Variants in SUPT3H observed in about 807,000 individuals in gnomAD.
SUPT3H encodes transcription initiation protein SPT3 homolog.
In SUPT3H, 44 loss-of-function variants were observed where a neutral mutation model predicts 44.3. The ratio of observed to expected loss-of-function variants is 0.99; its 90% confidence interval spans 0.78 to 1.28. SUPT3H has a LOEUF of 1.28. Ranked by LOEUF, SUPT3H falls within the 50% of genes most tolerant of loss-of-function variation. The pLI is 0.00. For missense variants in SUPT3H, 380 were observed against 387.1 expected, an observed-to-expected ratio of 0.98 and a Z score of 0.15; for synonymous variants, 124 against 125.6, an observed-to-expected ratio of 0.99 and a Z score of 0.09.
chr6:45,120,416 C>CAA (rs1562497260), intron 2 of SUPT3H, among the ~76,000 whole-genome samples: 1 of 11,666 alleles, frequency 8.6e-5, no homozygotes, highest in African/African-American at 3.1e-4. Flanking sequence ...GAGACCTTGT[C>CAA]TAAAAAAAAA....
rs377126504 is a variant in SUPT3H at position 44,932,746 on chromosome 6, A to T, written c.819T>A (p.Gly273=). 9 of 1,608,510 alleles carry T rather than the reference A, an allele frequency of 5.6e-6. No homozygotes were observed. The highest frequency in any genetic ancestry group is 7.6e-6 in the Non-Finnish European group (9 of 1,177,954). The change falls in exon 10 of 11, where the codon GGT becomes GGA. Residue 273 remains glycine, a synonymous_variant. Transcript: ENST00000371459. ...GGATGGCATCGCTGTGAGCCTCAAC[A>T]CCACAGGCTGCAGTGCTCTGCGACA... ...HNSAESTAAC[G]VEAHSDAIQP...
At chr6:45,208,892 CTT>C (rs1470414062) in intron 2 of SUPT3H, among the ~76,000 whole-genome samples, 1 of 34,926 alleles carries the variant, frequency 2.9e-5, no homozygotes, top group Non-Finnish European at 5.3e-5. Flanking sequence ...GACTTACCCT[CTT>C]GTTAGGGGCT....
intron 3 of SUPT3H, among the ~76,000 whole-genome samples, chr6:45,085,716 GTTAA>G (rs1438342356): frequency 6.6e-6 from 1 of 151,974 alleles, no homozygotes; most frequent in Non-Finnish European, 1.5e-5. Flanking sequence ...TATCTTTTCT[GTTAA>G]TTAAGACAAC....
At chr6:45,123,521 GAGCCACTGCACTC>G (rs898817105) in intron 2 of SUPT3H, among the ~76,000 whole-genome samples, 8 of 151,548 alleles carry the variant, frequency 5.3e-5, no homozygotes, top group African/African-American at 1.9e-4. Flanking sequence ...TTATAGCTGT[GAGCCACTGCACTC>G]AGCCACTAAA....
intron 2 of SUPT3H, among the ~76,000 whole-genome samples, chr6:45,298,685 A>C (rs1161543858): frequency 6.6e-6 from 1 of 152,216 alleles, no homozygotes; most frequent in African/African-American, 2.4e-5. Flanking sequence ...CAAATGAGAC[A>C]GAAAAATGAC....
At chr6:45,267,084 G>A (rs893698915) in intron 2 of SUPT3H, among the ~76,000 whole-genome samples, 2 of 151,990 alleles carry the variant, frequency 1.3e-5, no homozygotes, top group Admixed American at 6.6e-5. Flanking sequence ...CCATCCTCAA[G>A]GTATCTCATT....
chr6:45,013,445 C>T (rs538074852), intron 5 of SUPT3H, among the ~76,000 whole-genome samples: 117 of 152,156 alleles, frequency 7.7e-4, no homozygotes, highest in African/African-American at 2.7e-3. Flanking sequence ...ACATCTGTAC[C>T]ACTGTACTGA....
chr6:45,339,722 T>A (rs1298463208), intron 2 of SUPT3H, among the ~76,000 whole-genome samples: 1 of 152,162 alleles, frequency 6.6e-6, no homozygotes, highest in Non-Finnish European at 1.5e-5. Context: ...AATCCAAAAC[T>A]TTATTTTAAA....
chr6:45,327,219 A>G (rs1316794529), intron 2 of SUPT3H, among the ~76,000 whole-genome samples: 2 of 151,992 alleles, frequency 1.3e-5, no homozygotes, highest in Admixed American at 1.3e-4. Flanking sequence ...GTCTGTGGGC[A>G]TTATTCCTTA....
intron 3 of SUPT3H, among the ~76,000 whole-genome samples, chr6:45,068,982 A>T (rs186827803): frequency 2.6e-5 from 4 of 151,736 alleles, no homozygotes; most frequent in East Asian, 3.9e-4. Flanking sequence ...CTTTGCAAAA[A>T]AAAAAAAATA....
At chr6:45,054,366 G>A (rs534928524) in intron 3 of SUPT3H, among the ~76,000 whole-genome samples, 1 of 152,244 alleles carries the variant, frequency 6.6e-6, no homozygotes, top group African/African-American at 2.4e-5. Flanking sequence ...GAACAAAAAG[G>A]TCTTGCTGAA....
At chr6:45,192,925 G>T (rs1562657479) in intron 2 of SUPT3H, among the ~76,000 whole-genome samples, 1 of 152,050 alleles carries the variant, frequency 6.6e-6, no homozygotes, top group Non-Finnish European at 1.5e-5. Flanking sequence ...AAATGTATCC[G>T]ACTCTTTTGC....
intron 10 of SUPT3H, among the ~76,000 whole-genome samples, chr6:44,837,692 C>T (rs1309275560): frequency 6.6e-6 from 1 of 152,162 alleles, no homozygotes; most frequent in Admixed American, 6.5e-5. Context: ...AAGCCAATTG[C>T]TTTGTTTGCC....
chr6:44,823,855 C>T (rs1037407563), downstream of SUPT3H, among the ~76,000 whole-genome samples: 4 of 151,982 alleles, frequency 2.6e-5, no homozygotes, highest in South Asian at 2.1e-4. Flanking sequence ...CCCAGCTACT[C>T]GGGAGGCTGA....
chr6:44,844,042 C>G, intron 10 of SUPT3H, among the ~76,000 whole-genome samples: 1 of 151,904 alleles, frequency 6.6e-6, no homozygotes, highest in East Asian at 1.9e-4. Flanking sequence ...GGTATTGGCA[C>G]AGATAGAAAT....
At chr6:45,021,294 C>T (rs1785099807) in intron 3 of SUPT3H, among the ~76,000 whole-genome samples, 1 of 151,854 alleles carries the variant, frequency 6.6e-6, no homozygotes. Flanking sequence ...CATCTAGCCC[C>T]TTATATCTAC....
At chr6:45,297,206 T>A (rs190211502) in intron 2 of SUPT3H, among the ~76,000 whole-genome samples, 1 of 152,292 alleles carries the variant, frequency 6.6e-6, no homozygotes, top group Admixed American at 6.5e-5. Context: ...GAGGAAGGGA[T>A]ATCTATCTAC....
chr6:45,043,033 A>C (rs1289850108), intron 3 of SUPT3H, among the ~76,000 whole-genome samples: 1 of 152,120 alleles, frequency 6.6e-6, no homozygotes, highest in South Asian at 2.1e-4. Flanking sequence ...CTAAATATTT[A>C]AAGCAATATA....
intron 2 of SUPT3H, among the ~76,000 whole-genome samples, chr6:45,112,109 T>G (rs1438014973): frequency 6.6e-6 from 1 of 152,194 alleles, no homozygotes; most frequent in Non-Finnish European, 1.5e-5. Flanking sequence ...TTAGATAATT[T>G]TAAAGAAACC....
Sources: gnomAD v4.1 joint callset for allele counts (sites outside exome capture counted in the v4.1 genomes callset) on GRCh38, gnomAD v4.1.1 for gene constraint, MANE v1.5 for transcripts, NCBI Gene and HGNC (gene_info 2026-07-23, HGNC 2026-07-21) for gene names.